SV2C: variants seen among roughly 807,000 people sequenced by gnomAD.
The protein encoded by SV2C is synaptic vesicle glycoprotein 2C.
SV2C carries 49 observed loss-of-function variants against 79.7 expected under a neutral mutation model. The ratio of observed to expected loss-of-function variants is 0.61; its 90% CI spans 0.49 to 0.78. The LOEUF is 0.78. Ranked by LOEUF, SV2C falls within the 30% of genes least tolerant of loss-of-function variation. SV2C has a pLI of 0.00. For synonymous variants in SV2C, 334 were observed against 333.2 expected, an observed-to-expected ratio of 1.00 and a Z score of -0.03; for missense variants, 833 against 912.9, an observed-to-expected ratio of 0.91 and a Z score of 1.13.
chr5:75,916,656 G>A, the SV2C span, among the ~76,000 whole-genome samples: 1 of 152,042 alleles, frequency 6.6e-6, no homozygotes, highest in Admixed American at 6.6e-5. Context: ...TATATTTTTA[G>A]TAGAGACGGG....
intron 2 of SV2C, among the ~76,000 whole-genome samples, chr5:76,169,408 G>A (rs1743145850): frequency 1.3e-5 from 2 of 152,180 alleles, no homozygotes; most frequent in Non-Finnish European, 1.5e-5. Flanking sequence ...TTAGTTGTAG[G>A]GGGCAGGGTG....
At chr5:76,210,281 A>C (rs149955315) in intron 4 of SV2C, among the ~76,000 whole-genome samples, 263 of 152,236 alleles carry the variant, frequency 1.7e-3, no homozygotes, top group African/African-American at 5.9e-3. Context: ...TCAGTCCCAC[A>C]AGACTGCCCC....
chr5:76,291,342 A>G lies in SV2C; in HGVS notation c.1248+11A>G. 1 of 1,576,728 alleles carries G rather than the reference A, an allele frequency of 6.3e-7. No individual in the cohort carries two copies. The highest frequency in any genetic ancestry group is 8.6e-7 in the Non-Finnish European group (1 of 1,160,860). ...ACCGAGCTGTACGGAGTAAGTAACA[A>G]GTCCCATGATGACCTGCATGTTAAT... On this transcript the variant is annotated intron_variant, in intron 7 of 12. Coordinates refer to ENST00000502798, the MANE Select transcript of SV2C (RefSeq NM_014979.4).
chr5:76,073,501 GTGTATATATATATATATA>G, the SV2C span, among the ~76,000 whole-genome samples: 1,803 of 87,242 alleles, frequency 0.021, 53 homozygotes, highest in African/African-American at 0.069. Flanking sequence ...ATGTATGTGT[GTGTATATATATATATATA>G]TATATATATA....
chr5:75,958,035 G>T, the SV2C span, among the ~76,000 whole-genome samples: 2,320 of 152,084 alleles, frequency 0.015, 50 homozygotes, highest in African/African-American at 0.053. Context: ...GGTTCAAAAT[G>T]CCTTTTGAGC....
At chr5:75,986,398 G>A in the SV2C span, among the ~76,000 whole-genome samples, 1 of 151,902 alleles carries the variant, frequency 6.6e-6, no homozygotes, top group Middle Eastern at 3.4e-3. Context: ...GGGTCTACAA[G>A]CCAACTAGTA....
intron 4 of SV2C, among the ~76,000 whole-genome samples, chr5:76,213,496 C>G (rs144437477): frequency 1.3e-4 from 20 of 152,232 alleles, no homozygotes; most frequent in African/African-American, 4.8e-4. Flanking sequence ...TACCACCTCC[C>G]CCATACCCTG....
the SV2C span, among the ~76,000 whole-genome samples, chr5:76,029,501 C>G: frequency 1.3e-4 from 19 of 151,976 alleles, no homozygotes; most frequent in African/African-American, 4.6e-4. Context: ...TTAACAAACA[C>G]CACAGTGATT....
the SV2C span, among the ~76,000 whole-genome samples, chr5:75,953,516 C>T: frequency 2.6e-5 from 4 of 151,930 alleles, no homozygotes; most frequent in African/African-American, 9.7e-5. Flanking sequence ...TAATAAAGTC[C>T]TTCAACTTTT....
the SV2C span, among the ~76,000 whole-genome samples, chr5:75,960,875 G>A: frequency 6.6e-6 from 1 of 151,906 alleles, no homozygotes; most frequent in Non-Finnish European, 1.5e-5. Flanking sequence ...AGGTGAATAG[G>A]ATATAATACT....
Position 76,209,785 on chromosome 5 carries a change from G to C in SV2C, c.811G>C (p.Ala271Pro). Residue 271 changes from alanine to proline, a missense_variant, in exon 4 of 13, where the codon GCC becomes CCC. Transcript: ENST00000502798. ...GTTCTCGTACTTTGCTGAAGTCCTG[G>C]CCCGGGAAAAGCGGGGCGAACACTT... ...TVFSYFAEVL[A>P]REKRGEHLSW... 6.2e-7 allele frequency: 1 copy of C among 1,614,202 alleles called. No homozygotes were observed. The highest frequency in any genetic ancestry group is 8.5e-7 in the Non-Finnish European group (1 of 1,180,044).
the SV2C span, among the ~76,000 whole-genome samples, chr5:76,039,620 G>A: frequency 3.9e-5 from 6 of 152,046 alleles, no homozygotes; most frequent in Non-Finnish European, 8.8e-5. Context: ...ACCGGGCATG[G>A]TGGTAGGCAC....
chr5:76,001,209 G>C, the SV2C span, among the ~76,000 whole-genome samples: 8 of 152,316 alleles, frequency 5.3e-5, no homozygotes, highest in South Asian at 4.1e-4. Flanking sequence ...AGTGCTTAGA[G>C]AGAGGAAGAG....
intron 1 of SV2C, among the ~76,000 whole-genome samples, chr5:76,100,303 C>T (rs992652470): frequency 3.9e-5 from 6 of 152,110 alleles, no homozygotes; most frequent in African/African-American, 1.4e-4. Flanking sequence ...CTTTTTTCTA[C>T]GTTTGAATTA....
intron 1 of SV2C, among the ~76,000 whole-genome samples, chr5:76,112,844 G>T (rs1748136146): frequency 6.6e-6 from 1 of 152,146 alleles, no homozygotes; most frequent in Non-Finnish European, 1.5e-5. Flanking sequence ...TCACAAAAGT[G>T]CCTTTATACC....
chr5:76,206,601 A>G (rs555104273), intron 3 of SV2C, among the ~76,000 whole-genome samples: 1 of 152,370 alleles, frequency 6.6e-6, no homozygotes, highest in African/African-American at 2.4e-5. Context: ...AGATTACTCC[A>G]GGAGACTTGG....
the SV2C span, among the ~76,000 whole-genome samples, chr5:75,917,148 C>T: frequency 6.6e-6 from 1 of 152,188 alleles, no homozygotes; most frequent in Non-Finnish European, 1.5e-5. Flanking sequence ...ACTATTTGTA[C>T]TTTAATCTTT....
At chr5:75,878,334 G>A in the SV2C span, among the ~76,000 whole-genome samples, 1 of 152,242 alleles carries the variant, frequency 6.6e-6, no homozygotes, top group East Asian at 1.9e-4. Flanking sequence ...TGCAGTTGAG[G>A]AAGTTGAAGT....
chr5:75,956,777 C>T, the SV2C span, among the ~76,000 whole-genome samples: 1 of 151,910 alleles, frequency 6.6e-6, no homozygotes, highest in African/African-American at 2.4e-5. Flanking sequence ...CCCAAATTCT[C>T]CTCTGGGAAA....
Sources: gnomAD v4.1 joint callset for allele counts (sites outside exome capture counted in the v4.1 genomes callset) on GRCh38, gnomAD v4.1.1 for gene constraint, MANE v1.5 for transcripts, NCBI Gene and HGNC (gene_info 2026-07-23, HGNC 2026-07-21) for gene names.